DCDC2: variants seen among roughly 807,000 people sequenced by gnomAD.
DCDC2 encodes doublecortin domain-containing protein 2.
A neutral mutation model predicts 50.2 loss-of-function variants in DCDC2; 40 were observed. That is an observed-to-expected ratio of 0.80 (90% CI 0.62 to 1.04). The LOEUF is 1.04. Among genes scored for constraint, DCDC2 ranks in the 50% least tolerant of loss-of-function variants. The pLI is 0.00. For missense variants in DCDC2, 570 were observed against 581.9 expected, an observed-to-expected ratio of 0.98 and a Z score of 0.21; for synonymous variants, 234 against 210.6, an observed-to-expected ratio of 1.11 and a Z score of -0.96.
At chr6:24,371,467 G>C in the DCDC2 span, among the ~76,000 whole-genome samples, 438 of 152,144 alleles carry the variant, frequency 2.9e-3, no homozygotes, top group Non-Finnish European at 4.4e-3. Context: ...AATTAGCCGG[G>C]TGTGGTGGCA....
chr6:24,274,276 G>A (rs893862967), intron 7 of DCDC2, among the ~76,000 whole-genome samples: 3 of 152,096 alleles, frequency 2.0e-5, no homozygotes, highest in Non-Finnish European at 4.4e-5. Context: ...AATACCAATT[G>A]ATATGATCAA....
intron 8 of DCDC2, among the ~76,000 whole-genome samples, chr6:24,186,213 T>A (rs1389481297): frequency 6.6e-6 from 1 of 152,228 alleles, no homozygotes; most frequent in Non-Finnish European, 1.5e-5. Context: ...AATGACTCTA[T>A]CTTCCATTGG....
At chr6:24,233,199 A>G (rs1762374536) in intron 7 of DCDC2, among the ~76,000 whole-genome samples, 1 of 152,204 alleles carries the variant, frequency 6.6e-6, no homozygotes, top group Non-Finnish European at 1.5e-5. Flanking sequence ...CATTTCCAGA[A>G]TAGTCCTACT....
intron 8 of DCDC2, among the ~76,000 whole-genome samples, chr6:24,182,692 G>A (rs552791331): frequency 6.8e-6 from 1 of 147,524 alleles, no homozygotes; most frequent in African/African-American, 2.5e-5. Flanking sequence ...TGGAACTCCT[G>A]GGCATTTTGG....
chr6:24,271,557 C>T (rs925981431), intron 7 of DCDC2, among the ~76,000 whole-genome samples: 11 of 152,188 alleles, frequency 7.2e-5, no homozygotes, highest in African/African-American at 2.7e-4. Context: ...GCATTCCTCT[C>T]AGACCCAAAC....
chr6:24,174,666 A>C lies in DCDC2; in HGVS notation c.*64T>G. 8.9e-7 allele frequency: 1 copy of C among 1,127,464 alleles called. No homozygotes were observed. The allele number at this position is 1,127,464 out of a possible 1,614,324, so 69.8% of individuals were successfully genotyped here. A position where few individuals can be genotyped will look rare whatever the true frequency, so the allele number is the denominator to read the frequency against. ...TATATTCAGCAATAACTATGTGCTT[A>C]TCTTTCAAGTATGATAACCCTTCAT... On this transcript the variant is annotated 3_prime_UTR_variant, in exon 10 of 10. Transcript: ENST00000378454.
In DCDC2 at chr6:24,278,109, G is replaced by GT; in HGVS notation, c.861dup (p.Leu288ThrfsTer20). The GT allele has an allele frequency of 1.9e-6, 3 of 1,613,848 alleles. No individual in the cohort carries two copies. Among genetic ancestry groups the GT allele is most frequent in the Non-Finnish European group, 1.7e-6 (2 of 1,179,868 alleles). ...TTTACATTTTGTTTCAATTTCGTCA[G>GT]TTTTTCTGAATTCACGTCTTCTTTT... On this transcript the variant is annotated frameshift_variant, in exon 7 of 10. Coordinates refer to ENST00000378454, the MANE Select transcript of DCDC2 (RefSeq NM_016356.5). LOFTEE classifies it high-confidence loss of function.
rs555859092 is a variant in DCDC2, at chr6:24,303,412, A to G, written c.349-1368T>C. On this transcript the variant is annotated intron_variant, in intron 2 of 9. Transcript: ENST00000378454. ...CAGCCTGCTCCCCTCCATTCCCAAA[A>G]CATCCCCTGCATCCACACCTTGCCT... 3.7e-4 allele frequency among the ~76,000 whole-genome samples: 56 copies of G among 152,090 alleles called. 1 individual carries two copies. The South Asian group carries it at 0.011, about 31-fold the overall frequency.
At chr6:24,296,017 A>G (rs181413270) in intron 4 of DCDC2, among the ~76,000 whole-genome samples, 1 of 152,354 alleles carries the variant, frequency 6.6e-6, no homozygotes, top group East Asian at 1.9e-4. Context: ...TAAATAGCCA[A>G]CACAATCCTA....
At position 24,173,250 on chromosome 6, in the gene DCDC2, G is replaced by T. The variant is rs1338395507; in HGVS notation, c.*1480C>A. 2 of 151,660 alleles carry T rather than the reference G, an allele frequency of 1.3e-5. No homozygotes were observed. Among genetic ancestry groups the T allele is most frequent in the African/African-American group, 4.8e-5 (2 of 41,326 alleles). The allele number at this position is 151,660 out of a possible 1,614,324, so 9.4% of individuals were successfully genotyped here. ...TCTCTGTTTACACTTCTGATCTGTG[G>T]AAAATACCAAAATCATATTAAGAAA... On this transcript the variant is annotated 3_prime_UTR_variant, in exon 10 of 10. Transcript: ENST00000378454.
At chr6:24,323,727 C>T (rs192750763) in intron 2 of DCDC2, among the ~76,000 whole-genome samples, 3 of 152,038 alleles carry the variant, frequency 2.0e-5, no homozygotes, top group Non-Finnish European at 2.9e-5. Context: ...AAAACTACCA[C>T]CTGAGGCAAC....
rs192267844 is a variant in DCDC2 at position 24,180,295 on chromosome 6, T to G, written c.1024-1663A>C. The stretch of plus-strand genomic sequence containing the variant: ...ACACGGTTTTTTTGTTGTTTTTTGG[T>G]TTTTTTTGAGACAGAGTCTTGCTCT... On this transcript the variant is annotated intron_variant, in intron 8 of 9. Coordinates refer to ENST00000378454, the MANE Select transcript of DCDC2 (RefSeq NM_016356.5). Among the ~76,000 whole-genome samples, 334 of 151,558 alleles carry G rather than the reference T, an allele frequency of 2.2e-3. 2 individuals are homozygous for G. The highest frequency in any genetic ancestry group is 7.3e-3 in the African/African-American group (299 of 41,146).
At position 24,264,767 on chromosome 6, in the gene DCDC2, CAAT is replaced by C. The variant is rs1043032180; in HGVS notation, c.922+13279_922+13281del. Among the ~76,000 whole-genome samples the C allele has an allele frequency of 2.5e-4, 37 of 150,878 alleles. 1 individual carries two copies. Among genetic ancestry groups the C allele is most frequent in the African/African-American group, 3.6e-4 (15 of 41,178 alleles). On this transcript the variant is annotated intron_variant, in intron 7 of 9. Transcript: ENST00000378454. ...ATGGCAAGAGTAAGCCCTTACGTATCAATAATAAGATTAAATGTAAACAGATTA... is the reference window on the plus strand; with the variant it reads ...ATGGCAAGAGTAAGCCCTTACGTATCAATAAGATTAAATGTAAACAGATTA...
intron 8 of DCDC2, among the ~76,000 whole-genome samples, chr6:24,184,587 A>AT (rs1239007063): frequency 6.6e-6 from 1 of 151,110 alleles, no homozygotes; most frequent in South Asian, 2.1e-4. Context: ...TAAAAATAAA[A>AT]AAAAAAGAAT....
intron 7 of DCDC2, among the ~76,000 whole-genome samples, chr6:24,237,502 G>C (rs892164320): frequency 6.6e-6 from 1 of 152,234 alleles, no homozygotes; most frequent in Non-Finnish European, 1.5e-5. Context: ...ACTTTGGAAA[G>C]CAGTTGGGAG....
At chr6:24,253,259 AAAAG>A (rs781562677) in intron 7 of DCDC2, among the ~76,000 whole-genome samples, 45 of 152,178 alleles carry the variant, frequency 3.0e-4, no homozygotes, top group Non-Finnish European at 5.0e-4. Context: ...TAATTATAAA[AAAAG>A]AAAGCATAAA....
chr6:24,205,260 C>T, intron 7 of DCDC2, 158 bp from the exon 8 acceptor site: 2 of 1,563,916 alleles, frequency 1.3e-6, no homozygotes, highest in Non-Finnish European at 1.7e-6. Flanking sequence ...CACCACACCA[C>T]CCCCAGTTGT....
intron 2 of DCDC2, among the ~76,000 whole-genome samples, chr6:24,319,192 G>A (rs1759728295): frequency 6.6e-6 from 1 of 151,914 alleles, no homozygotes; most frequent in Non-Finnish European, 1.5e-5. Flanking sequence ...GTGACGTTGA[G>A]CAGTTTTTCA....
intron 7 of DCDC2, among the ~76,000 whole-genome samples, chr6:24,232,487 T>G (rs1762356911): frequency 6.6e-6 from 1 of 152,212 alleles, no homozygotes; most frequent in South Asian, 2.1e-4. Context: ...GCCATCAAAA[T>G]TAATTAGATC....
Sources: gnomAD v4.1 joint callset for allele counts (sites outside exome capture counted in the v4.1 genomes callset) on GRCh38, gnomAD v4.1.1 for gene constraint, MANE v1.5 for transcripts, NCBI Gene and HGNC (gene_info 2026-07-23, HGNC 2026-07-21) for gene names.